The following SART3 variants were observed in gnomAD, a reference collection of about 807,000 sequenced individuals.
SART3 encodes spliceosome associated factor 3, U4/U6 recycling protein.
SART3 carries 44 observed loss-of-function variants against 122.3 expected under a neutral mutation model. The ratio of observed to expected loss-of-function variants is 0.36; its 90% CI spans 0.28 to 0.46. The LOEUF (loss-of-function observed/expected upper bound fraction) is 0.46. Among genes scored for constraint, SART3 ranks in the 20% least tolerant of loss-of-function variants. SART3 has a pLI of 1.00. For synonymous variants in SART3, 442 were observed against 454.0 expected (o/e 0.97, Z 0.34); for missense variants, 1,101 against 1,229.0 (o/e 0.90, Z 1.56).
rs764707817 is a variant in SART3, at chr12:108,545,307, T to C, written c.561A>G (p.Leu187=). ...VKDYICPNIW[L]EYGQYSVGGI... ...CACCAACTGAGTACTGGCCATACTC[T>C]AGCCAAATGTTAGGACCTAAAAATA... Residue 187 remains leucine (L), a synonymous_variant, in exon 4 of 19, where the codon CTA becomes CTG. Transcript: ENST00000546815. The C allele has an allele frequency of 2.5e-6, 4 of 1,614,054 alleles. No individual in the cohort carries two copies. The highest frequency in any genetic ancestry group is 1.3e-5 in the African/African-American group (1 of 74,934).
intron 18 of SART3, 121 bp downstream of exon 18, chr12:108,524,195 G>T: frequency 3.4e-6 from 3 of 881,730 alleles, no homozygotes; most frequent in Non-Finnish European, 3.8e-6. Flanking sequence ...ACAAGGAACA[G>T]CACATCTTGG....
chr12:108,545,454 C>T, intron 3 of SART3, 131 bp from the exon 4 acceptor site: 1 of 797,962 alleles, frequency 1.3e-6, no homozygotes, highest in South Asian at 1.5e-5. Flanking sequence ...GAAGGCCTAA[C>T]AGCAGAGATG....
At chr12:108,560,731 T>C in intron 1 of SART3, 112 bp downstream of exon 1, 1 of 936,752 alleles carries the variant, frequency 1.1e-6, no homozygotes, top group South Asian at 1.8e-5. Context: ...GAAAAGCGGG[T>C]TTGCAGCCTT....
intron 5 of SART3, among the ~76,000 whole-genome samples, 163 bp downstream of exon 5, chr12:108,544,264 G>A (rs915917215): frequency 2.0e-5 from 3 of 152,172 alleles, no homozygotes; most frequent in African/African-American, 7.2e-5. Flanking sequence ...CATTCAAGAT[G>A]TTTTTACCAA....
rs765339952 is a variant in SART3 at position 108,526,370 on chromosome 12, C to G, written c.2099G>C (p.Ser700Thr). 8 of 1,613,790 alleles carry G rather than the reference C, an allele frequency of 5.0e-6. No individual in the cohort carries two copies. The East Asian group carries it at 1.8e-4, about 36-fold the overall frequency. The change falls in exon 16 of 19, where the codon AGC becomes ACC. Residue 700 changes from serine to threonine, a missense_variant. Physicochemically the swap from Ser to Thr is moderately conservative, Grantham distance 58. Transcript: ENST00000546815. ...RDMPKVLHDS[S>T]KDSITVFVSN... is the part of the protein sequence containing the mutation. ...GACAAAGACGGTGATGCTGTCCTTG[C>G]TGCTGTCGTGCAGCACCTTGGGCAT...
At chr12:108,537,105 A>G (rs1872942691) in intron 9 of SART3, 1 of 450,250 alleles carries the variant, frequency 2.2e-6, no homozygotes, top group Admixed American at 3.5e-5. Flanking sequence ...ATGAGTGTGC[A>G]AGTACAAGTT....
chr12:108,536,708 G>A lies in SART3; in HGVS notation c.1387C>T (p.Arg463Cys), dbSNP rs531634983. 10 of 1,613,864 alleles carry A rather than the reference G, an allele frequency of 6.2e-6. No individual in the cohort carries two copies. The highest frequency in any genetic ancestry group is 7.6e-6 in the Non-Finnish European group (9 of 1,179,856). Reference sequence around the variant, plus strand: ...AAACCACAGGCTGGGGCATACTTACGCTCTTCCACCTCCTGCTTCAGATAC... The same window carrying A: ...AAACCACAGGCTGGGGCATACTTACACTCTTCCACCTCCTGCTTCAGATAC... Reference protein sequence around the residue: ...LEYLKQEVEERFNESGDPSCV... With the variant: ...LEYLKQEVEECFNESGDPSCV... The change falls in exon 10 of 19, where the codon CGT becomes TGT. Residue 463 changes from arginine (R) to cysteine (C), a missense_variant and splice_region_variant. By Grantham distance (180) the Arg-to-Cys change is radical (BLOSUM62 -3). Around this residue, in one of 2 missense-constraint regions of SART3, gnomAD observed 885 missense variants for 1,080.1 expected, o/e 0.82. Transcript: ENST00000546815.
chr12:108,529,769 C>G (rs1246715800), intron 15 of SART3, among the ~76,000 whole-genome samples: 1 of 151,872 alleles, frequency 6.6e-6, no homozygotes, highest in Non-Finnish European at 1.5e-5. Context: ...AACACAGCAA[C>G]TGGCCTGCCC....
intron 3 of SART3, 56 bp from the exon 4 acceptor site, chr12:108,545,379 C>G: frequency 6.4e-7 from 1 of 1,571,566 alleles, no homozygotes. Context: ...AATATCAAAA[C>G]TGATGCATAA....
chr12:108,560,895 T>C lies in SART3; in HGVS notation c.260A>G (p.Tyr87Cys). The C allele has an allele frequency of 6.2e-7, 1 of 1,611,932 alleles. No individual in the cohort carries two copies. Among genetic ancestry groups the C allele is most frequent in the Non-Finnish European group, 8.5e-7 (1 of 1,178,236 alleles). ...CTGGTTTTTCTCCTCCTCTTCGTCA[T>C]ATTCCCACTCGTACTCCCCGGGGGA... The part of the protein sequence containing the change: ...ESSPGEYEWE[Y>C]DEEEEKNQLE... The change falls in exon 1 of 19, where the codon TAT becomes TGT. Residue 87 changes from tyrosine to cysteine, a missense_variant. By Grantham distance (194) the Tyr-to-Cys change is radical. This residue lies in a region of SART3 where 216 missense variants were observed against 148.9 expected (regional missense o/e 1.45). Transcript: ENST00000546815.
At chr12:108,531,998 C>G (rs1206996990) in intron 13 of SART3, 1 of 534,386 alleles carries the variant, frequency 1.9e-6, no homozygotes, top group African/African-American at 1.9e-5. Flanking sequence ...GAATTAGAAC[C>G]CTGTGCTACA....
At chr12:108,546,865 G>A (rs1232880766) in intron 3 of SART3, among the ~76,000 whole-genome samples, 1 of 151,950 alleles carries the variant, frequency 6.6e-6, no homozygotes, top group Non-Finnish European at 1.5e-5. Flanking sequence ...TGTTGCCCAG[G>A]CTAGAGTGTA....
At chr12:108,527,139 A>C (rs1872423172) in intron 15 of SART3, among the ~76,000 whole-genome samples, 1 of 152,182 alleles carries the variant, frequency 6.6e-6, no homozygotes, top group Admixed American at 6.5e-5. Context: ...AGACCTCCCC[A>C]TCAGTTCACC....
intron 1 of SART3, among the ~76,000 whole-genome samples, chr12:108,556,093 A>G (rs540769186): frequency 9.6e-6 from 1 of 104,080 alleles, no homozygotes; most frequent in Non-Finnish European, 2.2e-5. Flanking sequence ...TGACTTTGAG[A>G]AACTCTCTTT....
At chr12:108,529,852 A>G (rs1450738267) in intron 15 of SART3, among the ~76,000 whole-genome samples, 4 of 152,098 alleles carry the variant, frequency 2.6e-5, no homozygotes, top group African/African-American at 9.7e-5. Flanking sequence ...GAGATCCAGG[A>G]GACAGGACAA....
rs1872187973 is a variant in SART3 at position 108,522,824 on chromosome 12, C to T, written c.*633G>A. Reference sequence around the variant, plus strand: ...CTAGTCACTAGGCAAAGAAAACAGTCCACAGCAGGTGGCACAAATAATTCC... The same window carrying T: ...CTAGTCACTAGGCAAAGAAAACAGTTCACAGCAGGTGGCACAAATAATTCC... On this transcript the variant is annotated 3_prime_UTR_variant, in exon 19 of 19. Coordinates refer to ENST00000546815, the MANE Select transcript of SART3 (RefSeq NM_014706.4). 6.4e-6 allele frequency: 1 copy of T among 155,276 alleles called. No individual in the cohort carries two copies. The highest frequency in any genetic ancestry group is 1.4e-5 in the Non-Finnish European group (1 of 69,966). The allele number at this position is 155,276 out of a possible 1,614,324, so 9.6% of individuals were successfully genotyped here.
At chr12:108,557,400 T>G (rs777134368) in intron 1 of SART3, among the ~76,000 whole-genome samples, 4 of 152,070 alleles carry the variant, frequency 2.6e-5, no homozygotes, top group Non-Finnish European at 5.9e-5. Context: ...CAAAATGATC[T>G]GCTAACTGAT....
intron 6 of SART3, among the ~76,000 whole-genome samples, chr12:108,541,989 C>A: frequency 1.4e-5 from 2 of 145,718 alleles, no homozygotes; most frequent in East Asian, 2.0e-4. Context: ...CACATGCCAC[C>A]AAGCCCGGCT....
At position 108,528,008 on chromosome 12, in the gene SART3, G is replaced by A. The variant is rs922402305; in HGVS notation, c.1916-1455C>T. On this transcript the variant is annotated intron_variant, in intron 15 of 18. Transcript: ENST00000546815. ...CTTGACCCCTGACCTCAGGTGATCCGCCCACCTCAGCCTCCCAGAGTGCTG... is the reference window on the plus strand; with the variant it reads ...CTTGACCCCTGACCTCAGGTGATCCACCCACCTCAGCCTCCCAGAGTGCTG... 1.2e-4 allele frequency among the ~76,000 whole-genome samples: 18 copies of A among 152,016 alleles called. No individual in the cohort carries two copies. In the East Asian group the frequency reaches 1.8e-3, roughly 15 times the overall value.
Sources: gnomAD v4.1 joint callset for allele counts (sites outside exome capture counted in the v4.1 genomes callset) on GRCh38, gnomAD v4.1.1 for gene constraint, gnomAD v4.1.1 regional missense constraint, MANE v1.5 for transcripts, NCBI Gene and HGNC (gene_info 2026-07-23, HGNC 2026-07-21) for gene names.